GALNT13: variants seen among roughly 807,000 people sequenced by gnomAD.
GALNT13 encodes UDP-GalNAc:polypeptide N-acetylgalactosaminyltransferase 13.
A neutral mutation model predicts 64.2 loss-of-function variants in GALNT13; 28 were observed. The observed-to-expected ratio is 0.44, with a 90% confidence interval of 0.32 to 0.60. The LOEUF (loss-of-function observed/expected upper bound fraction) is 0.60. Ranked by LOEUF, GALNT13 falls within the 20% of genes least tolerant of loss-of-function variation. The probability of loss-of-function intolerance (pLI) is 0.05; values close to 1 mark genes in which losing one functional copy is unlikely to be tolerated. For missense variants in GALNT13, 577 were observed against 669.8 expected, an observed-to-expected ratio of 0.86 and a Z score of 1.53; for synonymous variants, 214 against 224.6, an observed-to-expected ratio of 0.95 and a Z score of 0.42.
At chr2:153,666,394 G>GTGCA in the GALNT13 span, among the ~76,000 whole-genome samples, 2 of 148,892 alleles carry the variant, frequency 1.3e-5, no homozygotes, top group African/African-American at 2.5e-5. Flanking sequence ...CTCCTGGTGT[G>GTGCA]TGCATGCATG....
In GALNT13 at chr2:154,142,838, G is replaced by A. The variant is rs570790892; in HGVS notation, c.311+2333G>A. ...CCTGTGCATATGTGTGTGTGTGTGT[G>A]TATATATATATATATATTTGTTTGT... On this transcript the variant is annotated intron_variant, in intron 4 of 12. Transcript: ENST00000392825. Among the ~76,000 whole-genome samples, 544 of 144,188 alleles carry A rather than the reference G, an allele frequency of 3.8e-3. 4 individuals carry two copies. Among genetic ancestry groups the A allele is most frequent in the Middle Eastern group, 0.015 (4 of 266 alleles). 94.6% of individuals were successfully genotyped at this position (144,188 alleles called of 152,430 possible). A position where few individuals can be genotyped will look rare whatever the true frequency, so the allele number is the denominator to read the frequency against.
At chr2:153,796,461 C>A in the GALNT13 span, among the ~76,000 whole-genome samples, 2 of 152,194 alleles carry the variant, frequency 1.3e-5, no homozygotes, top group East Asian at 3.9e-4. Context: ...TGAAAATGAT[C>A]ATGTCATGTT....
chr2:154,118,227 T>C (rs71417291), intron 3 of GALNT13, among the ~76,000 whole-genome samples: 28,025 of 151,442 alleles, frequency 0.19, 3,308 homozygotes, highest in Non-Finnish European at 0.26. Flanking sequence ...TATTTACAAC[T>C]GATATAACTT....
At chr2:154,316,704 T>G (rs1694337992) in intron 9 of GALNT13, among the ~76,000 whole-genome samples, 1 of 152,154 alleles carries the variant, frequency 6.6e-6, no homozygotes, top group Non-Finnish European at 1.5e-5. Flanking sequence ...TCAGCTCAGG[T>G]CTCTTTTCTT....
chr2:153,530,992 G>C, the GALNT13 span, among the ~76,000 whole-genome samples: 1 of 152,250 alleles, frequency 6.6e-6, no homozygotes, highest in Non-Finnish European at 1.5e-5. Context: ...AATTTCTTGA[G>C]TAATACCCCA....
At chr2:154,070,655 C>T (rs1269993755) in intron 3 of GALNT13, among the ~76,000 whole-genome samples, 1 of 152,088 alleles carries the variant, frequency 6.6e-6, no homozygotes. Flanking sequence ...CAGTGGCTCA[C>T]ACCTTTAATC....
chr2:153,871,034 T>A (rs1685891405), upstream of GALNT13, among the ~76,000 whole-genome samples: 1 of 152,124 alleles, frequency 6.6e-6, no homozygotes, highest in Admixed American at 6.6e-5. Context: ...GTCCCAAGTC[T>A]TTGAGACGCT....
intron 11 of GALNT13, 160 bp downstream of exon 11, chr2:154,409,242 G>A (rs1699686409): frequency 3.2e-6 from 2 of 629,962 alleles, no homozygotes; most frequent in Non-Finnish European, 5.7e-6. Flanking sequence ...TTGTCCCAAG[G>A]ATCTTAAAGG....
At chr2:154,411,140 T>A (rs12464808) in intron 11 of GALNT13, among the ~76,000 whole-genome samples, 67,693 of 151,608 alleles carry the variant, frequency 0.45, 16,017 homozygotes, top group East Asian at 0.63. Flanking sequence ...TGAGCTGTTA[T>A]TTTCATAGTA....
chr2:154,016,765 T>A (rs568105485), intron 3 of GALNT13, among the ~76,000 whole-genome samples: 1 of 152,338 alleles, frequency 6.6e-6, no homozygotes, highest in African/African-American at 2.4e-5. Context: ...TGAGGATTTA[T>A]ATAAAACAAC....
At chr2:153,414,478 A>AT in the GALNT13 span, among the ~76,000 whole-genome samples, 12,215 of 138,128 alleles carry the variant, frequency 0.088, 560 homozygotes, top group Middle Eastern at 0.14. Flanking sequence ...GGATAAAAAG[A>AT]TTTTTTTTTT....
At chr2:153,851,337 C>A in the GALNT13 span, among the ~76,000 whole-genome samples, 61 of 152,094 alleles carry the variant, frequency 4.0e-4, no homozygotes, top group African/African-American at 1.3e-3. Flanking sequence ...TTTTTAGAAA[C>A]ACAGAAAGCT....
chr2:154,330,871 C>T (rs1052062271), intron 9 of GALNT13, among the ~76,000 whole-genome samples: 1 of 152,108 alleles, frequency 6.6e-6, no homozygotes, highest in Non-Finnish European at 1.5e-5. Flanking sequence ...TTTCTACTGA[C>T]TGTTCTAAAA....
At chr2:153,141,557 G>A in the GALNT13 span, among the ~76,000 whole-genome samples, 1 of 152,046 alleles carries the variant, frequency 6.6e-6, no homozygotes, top group South Asian at 2.1e-4. Flanking sequence ...TCAACTGGGA[G>A]CTGGGAGAAG....
the GALNT13 span, among the ~76,000 whole-genome samples, chr2:153,397,472 C>T: frequency 2.2e-4 from 34 of 152,054 alleles, no homozygotes; most frequent in South Asian, 4.1e-4. Flanking sequence ...GAGACCACAA[C>T]GTACGATCTG....
the GALNT13 span, among the ~76,000 whole-genome samples, chr2:153,707,457 T>A: frequency 5.3e-5 from 8 of 152,184 alleles, no homozygotes; most frequent in African/African-American, 1.9e-4. Context: ...CCTCCTCAGA[T>A]AAAAGCCAGA....
chr2:153,308,317 C>G, the GALNT13 span, among the ~76,000 whole-genome samples: 8 of 152,134 alleles, frequency 5.3e-5, no homozygotes, highest in Non-Finnish European at 8.8e-5. Flanking sequence ...CTGACCTTGT[C>G]CATTTGACTT....
chr2:154,210,180 G>A (rs1687684870), intron 4 of GALNT13, among the ~76,000 whole-genome samples: 1 of 152,070 alleles, frequency 6.6e-6, no homozygotes, highest in Non-Finnish European at 1.5e-5. Flanking sequence ...TATTTTTTAG[G>A]TCTGAATAGT....
the GALNT13 span, among the ~76,000 whole-genome samples, chr2:153,461,790 T>C: frequency 6.6e-6 from 1 of 152,008 alleles, no homozygotes; most frequent in African/African-American, 2.4e-5. Context: ...GCTGCCACAA[T>C]GGAAAGATAA....
Sources: allele counts gnomAD v4.1 joint callset (sites outside exome capture counted in the v4.1 genomes callset), GRCh38; gene constraint gnomAD v4.1.1; transcripts MANE v1.5; gene names NCBI Gene and HGNC (gene_info 2026-07-23, HGNC 2026-07-21).